The following MAGEB10 variants were observed in gnomAD, a reference collection of about 807,000 sequenced individuals.
MAGEB10 encodes the protein melanoma-associated antigen B10.
For synonymous variants in MAGEB10, 99 were observed against 101.0 expected, an observed-to-expected ratio of 0.98 and a Z score of 0.12; for missense variants, 190 against 261.9, an observed-to-expected ratio of 0.73 and a Z score of 1.89.
intron 1 of MAGEB10, among the ~76,000 whole-genome samples, chrX:27,814,211 C>T (rs1315302791): frequency 1.8e-5 from 2 of 111,561 alleles, no homozygotes; most frequent in East Asian, 5.6e-4. Flanking sequence ...CTGCCCCTCA[C>T]ACCCCAACAG....
chrX:27,822,055 A>G lies in MAGEB10; in HGVS notation c.749A>G (p.Lys250Arg), dbSNP rs1298708659. The G allele has an allele frequency of 3.3e-6, 4 of 1,212,014 alleles. No individual in the cohort carries two copies. Among genetic ancestry groups the G allele is most frequent in the South Asian group, 3.5e-5 (2 of 57,007 alleles). ...MFGEPRKLLT[K>R]DLVKENYLEY... ...GGGGAGCCCAGGAAGCTCCTTACCA[A>G]AGATTTGGTGAAAGAAAATTACCTG... The change falls in exon 3 of 3, where the codon AAA (lysine) becomes AGA (arginine). Residue 250 changes from lysine (K) to arginine (R), a missense_variant. By Grantham distance (26) the Lys-to-Arg change is conservative. Coordinates refer to ENST00000356790, the MANE Select transcript of MAGEB10 (RefSeq NM_182506.3).
chrX:27,821,397 A>C lies in MAGEB10; in HGVS notation c.91A>C (p.Ile31Leu). The change falls in exon 3 of 3, where the codon ATT (isoleucine) becomes CTT (leucine). Residue 31 changes from isoleucine (I) to leucine (L), a missense_variant. Ile to Leu is a conservative substitution (Grantham distance 5, BLOSUM62 2). Coordinates refer to ENST00000356790, the MANE Select transcript of MAGEB10 (RefSeq NM_182506.3). Reference sequence around the variant, plus strand: ...GGAAGATTTGATAGATGCTCTGGACATTTTAGAAGAGGAGGAAGAATCTCC... The same window carrying C: ...GGAAGATTTGATAGATGCTCTGGACCTTTTAGAAGAGGAGGAAGAATCTCC... ...GLEDLIDALD[I>L]LEEEEESPPS... The C allele has an allele frequency of 8.3e-7, 1 of 1,211,412 alleles. No homozygotes were observed.
chrX:27,813,421 G>A (rs1484596980), intron 1 of MAGEB10, among the ~76,000 whole-genome samples: 1 of 112,119 alleles, frequency 8.9e-6, no homozygotes, highest in African/African-American at 3.3e-5. Flanking sequence ...TAATAAAACT[G>A]ACTTCTTGCA....
At chrX:27,808,385 A>G (rs1342188779) in intron 1 of MAGEB10, among the ~76,000 whole-genome samples, 1 of 112,113 alleles carries the variant, frequency 8.9e-6, no homozygotes, top group Non-Finnish European at 1.9e-5. Flanking sequence ...CGCCACAGAA[A>G]GTCACGCCAC....
At chrX:27,808,475 G>C (rs1923589880) in intron 1 of MAGEB10, among the ~76,000 whole-genome samples, 1 of 112,006 alleles carries the variant, frequency 8.9e-6, no homozygotes, top group Non-Finnish European at 1.9e-5. Context: ...CCGTCCGTGG[G>C]AGGTGAGGCC....
chrX:27,816,410 C>T (rs1038369018), intron 1 of MAGEB10, among the ~76,000 whole-genome samples: 5 of 111,623 alleles, frequency 4.5e-5, no homozygotes, highest in African/African-American at 1.6e-4. Flanking sequence ...AACCATAATT[C>T]GCCATCATTC....
intron 1 of MAGEB10, among the ~76,000 whole-genome samples, chrX:27,814,717 G>C (rs2147394348): frequency 9.0e-6 from 1 of 111,659 alleles, no homozygotes; most frequent in South Asian, 3.7e-4. Context: ...GCTTATCAAG[G>C]TCACTTCACA....
intron 1 of MAGEB10, chrX:27,811,895 T>C: frequency 7.0e-6 from 1 of 142,619 alleles, no homozygotes; most frequent in South Asian, 2.2e-4. Context: ...TGCCTCGGGG[T>C]CAGAAAAGTA....
At chrX:27,810,599 G>C (rs745936443) in intron 1 of MAGEB10, among the ~76,000 whole-genome samples, 1 of 111,180 alleles carries the variant, frequency 9.0e-6, no homozygotes, top group Non-Finnish European at 1.9e-5. Flanking sequence ...TTCTGGTGGT[G>C]GTCGTGGGGA....
chrX:27,813,972 C>T (rs1262369869), intron 1 of MAGEB10, among the ~76,000 whole-genome samples: 15 of 111,649 alleles, frequency 1.3e-4, no homozygotes, highest in African/African-American at 4.6e-4. Context: ...TTCTGAGAAT[C>T]AAGGGTGACC....
chrX:27,821,817 G>C lies in MAGEB10; in HGVS notation c.511G>C (p.Val171Leu). The C allele has an allele frequency of 8.3e-7, 1 of 1,211,803 alleles. No individual in the cohort carries two copies. The highest frequency in any genetic ancestry group is 1.7e-5 in the African/African-American group (1 of 57,749). The change falls in exon 3 of 3, where the codon GTG (valine) becomes CTG (leucine). Residue 171 changes from valine to leucine, a missense_variant. Val to Leu is a conservative substitution (Grantham distance 32, BLOSUM62 1). Coordinates refer to ENST00000356790, the MANE Select transcript of MAGEB10 (RefSeq NM_182506.3). ...ELIFGLDLKE[V>L]EPNKHIYVLV... ...GATCTTTGGTCTTGACCTGAAGGAAGTGGAGCCTAATAAGCACATCTATGT... is the reference window on the plus strand; with the variant it reads ...GATCTTTGGTCTTGACCTGAAGGAACTGGAGCCTAATAAGCACATCTATGT...
chrX:27,810,317 G>A (rs1011090002), intron 1 of MAGEB10, among the ~76,000 whole-genome samples: 3 of 111,608 alleles, frequency 2.7e-5, no homozygotes, highest in East Asian at 2.8e-4. Flanking sequence ...AAGAAGCTCC[G>A]AACACATCCG....
At chrX:27,814,996 T>A (rs1344979605) in intron 1 of MAGEB10, among the ~76,000 whole-genome samples, 1 of 112,249 alleles carries the variant, frequency 8.9e-6, no homozygotes, top group Non-Finnish European at 1.9e-5. Flanking sequence ...ATTTGGGGAC[T>A]GCCCGTGGGC....
At chrX:27,810,299 C>T (rs1261799510) in intron 1 of MAGEB10, among the ~76,000 whole-genome samples, 1 of 111,921 alleles carries the variant, frequency 8.9e-6, no homozygotes, top group Non-Finnish European at 1.9e-5. Flanking sequence ...CACGAACCCA[C>T]CAGAAGGAAG....
At chrX:27,818,536 C>T (rs1923824186) in intron 2 of MAGEB10, among the ~76,000 whole-genome samples, 1 of 112,140 alleles carries the variant, frequency 8.9e-6, no homozygotes, top group African/African-American at 3.2e-5. Context: ...GCTGAGCGTG[C>T]ATATGCCTTT....
rs146965052 is a variant in MAGEB10 at position 27,822,288 on chromosome X, G to A, written c.982G>A (p.Val328Ile). 5,891 of 1,210,143 alleles carry A rather than the reference G, an allele frequency of 4.9e-3. 27 individuals are homozygous for A. The highest frequency in any genetic ancestry group is 0.031 in the South Asian group (1,781 of 56,743). ...AGCCAGAGTTGCAGCCAAGGCTCGC[G>A]TTAGTGCCACAGCCGGTGCACGTTC... Reference protein sequence around the residue: ...ARARVAAKARVSATAGARSKV... With the variant: ...ARARVAAKARISATAGARSKV... Residue 328 changes from valine to isoleucine, a missense_variant, in exon 3 of 3, where the codon GTT becomes ATT. Coordinates refer to ENST00000356790, the MANE Select transcript of MAGEB10 (RefSeq NM_182506.3).
Position 27,821,483 on chromosome X carries a change from C to T in MAGEB10, c.177C>T (p.Asn59=), listed in dbSNP as rs1923885972. 8.3e-7 allele frequency: 1 copy of T among 1,209,300 alleles called. No individual in the cohort carries two copies. The highest frequency in any genetic ancestry group is 2.2e-5 in the Admixed American group (1 of 45,636). ...AGAGTTCACTTGATGGGGCATCCAACAATCCCCATGGACTTCGGGAAGCCC... is the reference window on the plus strand; with the variant it reads ...AGAGTTCACTTGATGGGGCATCCAATAATCCCCATGGACTTCGGGAAGCCC... ...VFQSSLDGAS[N]NPHGLREAQS... Residue 59 remains asparagine, a synonymous_variant, in exon 3 of 3, where the codon AAC becomes AAT. Transcript: ENST00000356790.
rs1923911930 is a variant in MAGEB10 at position 27,822,644 on chromosome X, C to T, written c.*294C>T. The T allele has an allele frequency of 3.4e-6, 1 of 294,742 alleles. No individual in the cohort carries two copies. Among genetic ancestry groups the T allele is most frequent in the Non-Finnish European group, 6.2e-6 (1 of 162,398 alleles). 24.3% of individuals were successfully genotyped at this position (294,742 alleles called of 1,213,427 possible). The stretch of plus-strand genomic sequence containing the variant: ...CTCCATTTATTTAGTGATCGAAACA[C>T]GATAGCATGGTAGTAAATTAGGCAT... On this transcript the variant is annotated 3_prime_UTR_variant, in exon 3 of 3. Coordinates refer to ENST00000356790, the MANE Select transcript of MAGEB10 (RefSeq NM_182506.3).
intron 1 of MAGEB10, among the ~76,000 whole-genome samples, chrX:27,810,565 G>A (rs939909156): frequency 9.0e-6 from 1 of 111,484 alleles, no homozygotes; most frequent in Admixed American, 9.5e-5. Flanking sequence ...TGGCTGTAAG[G>A]CCCAGGTGAC....
Sources: allele counts gnomAD v4.1 joint callset (sites outside exome capture counted in the v4.1 genomes callset), GRCh38; gene constraint gnomAD v4.1.1; transcripts MANE v1.5; gene names NCBI Gene and HGNC (gene_info 2026-07-23, HGNC 2026-07-21).